GXYLT1: variants seen among roughly 807,000 people sequenced by gnomAD.
The protein encoded by GXYLT1 is glycosyltransferase 8 domain containing 3.
In GXYLT1, 29 loss-of-function variants were observed where a neutral mutation model predicts 54.0. The ratio of observed to expected loss-of-function variants is 0.54; its 90% CI spans 0.40 to 0.73. GXYLT1 has a LOEUF of 0.73. Among genes scored for constraint, GXYLT1 ranks in the 30% least tolerant of loss-of-function variants. The pLI is 0.00. For synonymous variants in GXYLT1, 176 were observed against 204.1 expected (o/e 0.86, Z 1.17); for missense variants, 490 against 553.4 (o/e 0.89, Z 1.15).
At chr12:42,128,424 AGTTCTT>A in intron 2 of GXYLT1, among the ~76,000 whole-genome samples, 1 of 152,190 alleles carries the variant, frequency 6.6e-6, no homozygotes, top group African/African-American at 2.4e-5. Context: ...TTAAAAATGA[AGTTCTT>A]CCTATCTCAA....
chr12:42,131,850 G>A (rs2065595588), intron 1 of GXYLT1, among the ~76,000 whole-genome samples: 1 of 152,112 alleles, frequency 6.6e-6, no homozygotes. Flanking sequence ...CACTAGAAAC[G>A]TTTTAAGGTA....
intron 2 of GXYLT1, among the ~76,000 whole-genome samples, chr12:42,122,483 G>A (rs757207475): frequency 2.0e-5 from 3 of 152,152 alleles, no homozygotes; most frequent in African/African-American, 2.4e-5. Context: ...CCAGCTATTC[G>A]AGAGGCTGAG....
rs1425983436 is a variant in GXYLT1 at position 42,087,565 on chromosome 12, A to G, written c.*221T>C. 3.8e-5 allele frequency: 17 copies of G among 451,070 alleles called. No individual in the cohort carries two copies. In the East Asian group the frequency reaches 6.4e-4, roughly 17 times the overall value. The allele number at this position is 451,070 out of a possible 1,614,324, so 27.9% of individuals were successfully genotyped here. A position where few individuals can be genotyped will look rare whatever the true frequency, so the allele number is the denominator to read the frequency against. On this transcript the variant is annotated 3_prime_UTR_variant, in exon 8 of 8. Coordinates refer to ENST00000398675, the MANE Select transcript of GXYLT1 (RefSeq NM_173601.2). The stretch of plus-strand genomic sequence containing the variant: ...ATCAATACTGGAATGATAGCAAGTA[A>G]CATTACAAAACATCAGAGATAAAAA...
chr12:42,083,057 TAATA>T lies in GXYLT1; in HGVS notation c.*4725_*4728del, dbSNP rs2065262639. ...GAAATTATTGGTAGAAATGAGGTGA[TAATA>T]AATATTTTCTATTTAAGTCTGACAT... On this transcript the variant is annotated 3_prime_UTR_variant, in exon 8 of 8. Transcript: ENST00000398675. 6.6e-6 allele frequency: 1 copy of T among 152,204 alleles called. No individual in the cohort carries two copies. The highest frequency in any genetic ancestry group is 1.5e-5 in the Non-Finnish European group (1 of 68,032). The allele number at this position is 152,204 out of a possible 1,614,324, so 9.4% of individuals were successfully genotyped here. A position where few individuals can be genotyped will look rare whatever the true frequency, so the allele number is the denominator to read the frequency against.
At chr12:42,092,747 CA>C (rs1030914181) in intron 7 of GXYLT1, among the ~76,000 whole-genome samples, 2 of 151,472 alleles carry the variant, frequency 1.3e-5, no homozygotes, top group African/African-American at 4.9e-5. Flanking sequence ...AAACCTGTAG[CA>C]AAAAAAACTG....
chr12:42,129,860 G>C lies in GXYLT1; in HGVS notation c.222-9C>G, dbSNP rs368462127. On this transcript the variant is annotated splice_polypyrimidine_tract_variant and intron_variant, in intron 1 of 7. Transcript: ENST00000398675. ...GAGAGAAATCTTTACACCTAACAGA[G>C]TAAGACAGAAATAAGAGTCCTGTGT... 1.3e-6 allele frequency: 2 copies of C among 1,580,714 alleles called. No homozygotes were observed. Among genetic ancestry groups the C allele is most frequent in the Non-Finnish European group, 1.7e-6 (2 of 1,150,110 alleles).
chr12:42,104,863 T>A (rs962769852), intron 5 of GXYLT1, among the ~76,000 whole-genome samples: 1 of 152,194 alleles, frequency 6.6e-6, no homozygotes, highest in Non-Finnish European at 1.5e-5. Flanking sequence ...TAATGAGATA[T>A]AAAGGAATAA....
At chr12:42,095,618 T>C (rs1013815548) in intron 7 of GXYLT1, among the ~76,000 whole-genome samples, 7 of 152,138 alleles carry the variant, frequency 4.6e-5, no homozygotes, top group Admixed American at 2.6e-4. Flanking sequence ...TGGTACCCGA[T>C]AGAGGTAGGG....
intron 3 of GXYLT1, 22 bp from the exon 4 acceptor site, chr12:42,109,713 C>T (rs762629279): frequency 1.3e-5 from 16 of 1,272,386 alleles, no homozygotes; most frequent in Non-Finnish European, 1.6e-5. Context: ...TAAAAAAAAA[C>T]TGTTTAGTTT....
chr12:42,087,218 C>G lies in GXYLT1; in HGVS notation c.*568G>C, dbSNP rs2065299007. On this transcript the variant is annotated 3_prime_UTR_variant, in exon 8 of 8. Transcript: ENST00000398675. ...TTTTAACATGCAGCTTACTTGTAAT[C>G]TAAAAATAATTTTAAACATGATTGT... is the stretch of plus-strand genomic sequence containing the variant. 1 of 152,404 alleles carries G rather than the reference C, an allele frequency of 6.6e-6. No homozygotes were observed. The highest frequency in any genetic ancestry group is 2.1e-4 in the South Asian group (1 of 4,840). 9.4% of individuals were successfully genotyped at this position (152,404 alleles called of 1,614,324 possible).
rs116010149 is a variant in GXYLT1 at position 42,130,359 on chromosome 12, A to C, written c.222-508T>G. Among the ~76,000 whole-genome samples, 591 of 152,316 alleles carry C rather than the reference A, an allele frequency of 3.9e-3. 9 individuals are homozygous for C. Among genetic ancestry groups the C allele is most frequent in the African/African-American group, 0.014 (575 of 41,574 alleles). On this transcript the variant is annotated intron_variant, in intron 1 of 7. Transcript: ENST00000398675. ...TGAAAAATAAAACATAACAGCCAAG[A>C]TGTATATGAAAATGGTCAATATCAC...
chr12:42,098,781 ATAT>A (rs1565567152), intron 5 of GXYLT1, among the ~76,000 whole-genome samples: 3 of 143,062 alleles, frequency 2.1e-5, no homozygotes, highest in African/African-American at 7.7e-5. Flanking sequence ...ATATATATAT[ATAT>A]AATACATGTG....
At chr12:42,124,665 T>C (rs1565578090) in intron 2 of GXYLT1, among the ~76,000 whole-genome samples, 1 of 152,258 alleles carries the variant, frequency 6.6e-6, no homozygotes. Context: ...CTTACAGCCA[T>C]ATAATTTTTA....
intron 3 of GXYLT1, among the ~76,000 whole-genome samples, chr12:42,115,123 A>C (rs573000746): frequency 6.6e-6 from 1 of 152,330 alleles, no homozygotes; most frequent in South Asian, 2.1e-4. Flanking sequence ...TATTGATGGG[A>C]CGTATCTCAA....
rs1374482799 is a variant in GXYLT1, at chr12:42,098,782, T to TATATATATATATATATAA, written c.865-750_865-749insTTATATATATATATATAT. On this transcript the variant is annotated intron_variant, in intron 5 of 7. Coordinates refer to ENST00000398675, the MANE Select transcript of GXYLT1 (RefSeq NM_173601.2). The stretch of plus-strand genomic sequence containing the variant: ...AAACATATATATATATATATATATA[T>TATATATATATATATATAA]ATAATACATGTGTGTGTATATATAC... Among the ~76,000 whole-genome samples the TATATATATATATATATAA allele has an allele frequency of 1.6e-4, 22 of 138,238 alleles. No individual in the cohort carries two copies. In the South Asian group the frequency reaches 1.6e-3, roughly 10 times the overall value. 90.7% of individuals were successfully genotyped at this position (138,238 alleles called of 152,430 possible). A position where few individuals can be genotyped will look rare whatever the true frequency, so the allele number is the denominator to read the frequency against.
At chr12:42,133,338 G>C (rs1039689715) in intron 1 of GXYLT1, among the ~76,000 whole-genome samples, 1 of 152,066 alleles carries the variant, frequency 6.6e-6, no homozygotes, top group African/African-American at 2.4e-5. Flanking sequence ...GAATCTAAGT[G>C]GGCTCTGTGA....
At chr12:42,091,075 G>A (rs1347212291) in intron 7 of GXYLT1, among the ~76,000 whole-genome samples, 1 of 152,066 alleles carries the variant, frequency 6.6e-6, no homozygotes. Context: ...TCTGAAACTT[G>A]CATAAATATC....
At position 42,086,317 on chromosome 12, in the gene GXYLT1, CCT is replaced by C. The variant is rs1397034724; in HGVS notation, c.*1467_*1468del. 2 of 152,272 alleles carry C rather than the reference CCT, an allele frequency of 1.3e-5. No homozygotes were observed. The highest frequency in any genetic ancestry group is 4.8e-5 in the African/African-American group (2 of 41,456). The allele number at this position is 152,272 out of a possible 1,614,324, so 9.4% of individuals were successfully genotyped here. The stretch of plus-strand genomic sequence containing the variant: ...TTAAACTTTCCTCTCTCAATTTGTC[CCT>C]GACTGAACTGCAGACGACAGAACAA... On this transcript the variant is annotated 3_prime_UTR_variant, in exon 8 of 8. Coordinates refer to ENST00000398675, the MANE Select transcript of GXYLT1 (RefSeq NM_173601.2).
At chr12:42,118,278 G>A (rs2065508943) in intron 3 of GXYLT1, among the ~76,000 whole-genome samples, 1 of 152,082 alleles carries the variant, frequency 6.6e-6, no homozygotes, top group East Asian at 1.9e-4. Context: ...CTCAAAACAG[G>A]ATTAAAACCT....
Sources: gnomAD v4.1 joint callset for allele counts (sites outside exome capture counted in the v4.1 genomes callset) on GRCh38, gnomAD v4.1.1 for gene constraint, MANE v1.5 for transcripts, NCBI Gene and HGNC (gene_info 2026-07-23, HGNC 2026-07-21) for gene names.